The following AATF variants were observed in gnomAD, a reference collection of about 807,000 sequenced individuals.
The protein encoded by AATF is apoptosis antagonizing transcription factor.
Under a neutral mutation model 63.7 loss-of-function variants are expected in AATF, and 48 were observed. That is an observed-to-expected ratio of 0.75 (90% CI 0.60 to 0.96). AATF has a LOEUF of 0.96. Among genes scored for constraint, AATF ranks in the 40% least tolerant of loss-of-function variants. The pLI is 0.00. For synonymous variants in AATF, 258 were observed against 247.7 expected (o/e 1.04, Z -0.39); for missense variants, 639 against 685.7 (o/e 0.93, Z 0.76).
At chr17:36,951,570 T>G (rs1368161606) in intron 2 of AATF, among the ~76,000 whole-genome samples, 1 of 152,192 alleles carries the variant, frequency 6.6e-6, no homozygotes, top group East Asian at 1.9e-4. Flanking sequence ...AGCCCCATTT[T>G]ACAGATAAGG....
At chr17:37,000,386 G>A (rs2071284970) in intron 8 of AATF, among the ~76,000 whole-genome samples, 1 of 152,126 alleles carries the variant, frequency 6.6e-6, no homozygotes, top group African/African-American at 2.4e-5. Context: ...AGTGAGAGAA[G>A]CTAGTTTGGA....
rs34017603 is a variant in AATF at position 37,040,715 on chromosome 17, T to TGG, written c.1619+9038_1619+9039dup. ...CTAGCTACTCTTTCAAAAACTTATT[T>TGG]GGGGGGGGGAACTTCTTTAGATTAA... On this transcript the variant is annotated intron_variant, in intron 11 of 11. Transcript: ENST00000619387. 1.7e-3 allele frequency among the ~76,000 whole-genome samples: 257 copies of TGG among 147,004 alleles called. 1 individual carries two copies. The highest frequency in any genetic ancestry group is 6.2e-3 in the African/African-American group (242 of 39,286).
Position 37,001,411 on chromosome 17 carries a change from GGAAGGA to G in AATF, c.1398+10555_1398+10560del, listed in dbSNP as rs2071294787. Among the ~76,000 whole-genome samples, 729 of 106,230 alleles carry G rather than the reference GGAAGGA, an allele frequency of 6.9e-3. 38 individuals carry two copies. Among genetic ancestry groups the G allele is most frequent in the African/African-American group, 0.021 (537 of 25,814 alleles). 69.7% of individuals were successfully genotyped at this position (106,230 alleles called of 152,430 possible). On this transcript the variant is annotated intron_variant, in intron 8 of 11. Coordinates refer to ENST00000619387, the MANE Select transcript of AATF (RefSeq NM_012138.4). Reference sequence around the variant, plus strand: ...AGGTATGGGAGGAGGGAGGGAGGAAGGAAGGAAGGAAGGAAGGAAGGAAGGAAGGAA... The same window carrying G: ...AGGTATGGGAGGAGGGAGGGAGGAAGAGGAAGGAAGGAAGGAAGGAAGGAA...
chr17:37,002,913 T>G (rs912152616), intron 8 of AATF, among the ~76,000 whole-genome samples: 13 of 149,590 alleles, frequency 8.7e-5, no homozygotes, highest in Non-Finnish European at 1.2e-4. Context: ...GTTTTTTTTT[T>G]TTTTTTTTTT....
chr17:36,997,376 T>C (rs182096513), intron 8 of AATF, among the ~76,000 whole-genome samples: 2 of 152,052 alleles, frequency 1.3e-5, no homozygotes, highest in African/African-American at 4.8e-5. Flanking sequence ...CAAACTCAAA[T>C]CAGTAAGAAA....
intron 8 of AATF, among the ~76,000 whole-genome samples, chr17:37,001,832 A>G (rs949042311): frequency 1.3e-5 from 2 of 152,224 alleles, no homozygotes; most frequent in African/African-American, 4.8e-5. Context: ...CAGTTAGGCA[A>G]GAAAAAGAAA....
intron 1 of AATF, among the ~76,000 whole-genome samples, chr17:36,949,872 C>T (rs1485400876): frequency 6.6e-6 from 1 of 152,144 alleles, no homozygotes. Context: ...CCAGAATAAG[C>T]AAAGAAAACT....
chr17:37,000,549 G>A (rs754132547), intron 8 of AATF, among the ~76,000 whole-genome samples: 23 of 152,184 alleles, frequency 1.5e-4, no homozygotes, highest in Non-Finnish European at 3.1e-4. Context: ...CCACATTCAT[G>A]TGGAGTTGTT....
intron 10 of AATF, among the ~76,000 whole-genome samples, chr17:37,024,138 C>A (rs1445509800): frequency 6.6e-6 from 1 of 152,090 alleles, no homozygotes; most frequent in African/African-American, 2.4e-5. Flanking sequence ...CATCAGAGAG[C>A]CAACTAGTCT....
intron 6 of AATF, among the ~76,000 whole-genome samples, 191 bp downstream of exon 6, chr17:36,988,911 T>G (rs1409243890): frequency 6.6e-6 from 1 of 152,202 alleles, no homozygotes; most frequent in African/African-American, 2.4e-5. Flanking sequence ...GATTTTAACT[T>G]TATTAGAAAG....
intron 11 of AATF, among the ~76,000 whole-genome samples, chr17:37,050,061 C>A (rs1173307480): frequency 3.3e-5 from 5 of 152,122 alleles, no homozygotes; most frequent in African/African-American, 1.2e-4. Flanking sequence ...CAACTGAGGC[C>A]GCTGAACCCG....
At chr17:36,970,788 C>G (rs190522881) in intron 4 of AATF, among the ~76,000 whole-genome samples, 44 of 152,016 alleles carry the variant, frequency 2.9e-4, no homozygotes, top group African/African-American at 1.0e-3. Context: ...GCCTCGGCCT[C>G]CCAAAGTGCT....
At chr17:37,011,794 T>C (rs1339975443) in intron 8 of AATF, among the ~76,000 whole-genome samples, 1 of 152,124 alleles carries the variant, frequency 6.6e-6, no homozygotes, top group East Asian at 1.9e-4. Context: ...CCATTAGACA[T>C]AGAGATCTTG....
intron 8 of AATF, among the ~76,000 whole-genome samples, chr17:37,009,679 C>T (rs992924990): frequency 7.2e-4 from 108 of 149,868 alleles, no homozygotes; most frequent in Non-Finnish European, 1.4e-3. Context: ...TAGCCGGGCG[C>T]GGTGGCGGGC....
intron 11 of AATF, among the ~76,000 whole-genome samples, chr17:37,032,217 T>C (rs190578575): frequency 1.4e-4 from 22 of 152,362 alleles, no homozygotes; most frequent in Non-Finnish European, 2.6e-4. Context: ...TATCTATTAA[T>C]TGGCATTCTA....
At chr17:37,022,887 CATTT>C (rs1597729475) in intron 10 of AATF, among the ~76,000 whole-genome samples, 2 of 152,206 alleles carry the variant, frequency 1.3e-5, no homozygotes, top group South Asian at 2.1e-4. Context: ...TCCTAGTGTT[CATTT>C]ATTTGTTTAC....
chr17:36,971,720 A>G, intron 4 of AATF, among the ~76,000 whole-genome samples: 1 of 152,240 alleles, frequency 6.6e-6, no homozygotes, highest in Non-Finnish European at 1.5e-5. Flanking sequence ...TCAGCAATAA[A>G]AAGGAATAAA....
chr17:37,012,850 A>G (rs558555218), intron 8 of AATF, among the ~76,000 whole-genome samples: 49 of 152,316 alleles, frequency 3.2e-4, no homozygotes, highest in African/African-American at 1.2e-3. Context: ...TTAACTCAAA[A>G]TGGATCATAG....
intron 4 of AATF, among the ~76,000 whole-genome samples, chr17:36,962,019 A>G (rs1048753470): frequency 1.3e-5 from 2 of 152,126 alleles, no homozygotes; most frequent in Non-Finnish European, 2.9e-5. Context: ...ATATTGCCTA[A>G]CTAGCCCCTG....
Sources: allele counts gnomAD v4.1 joint callset (sites outside exome capture counted in the v4.1 genomes callset), GRCh38; gene constraint gnomAD v4.1.1; transcripts MANE v1.5; gene names NCBI Gene and HGNC (gene_info 2026-07-23, HGNC 2026-07-21).